SV2B: variants seen among roughly 807,000 people sequenced by gnomAD.
SV2B encodes solute carrier family 22 member B2.
A neutral mutation model predicts 73.9 loss-of-function variants in SV2B; 41 were observed. The observed-to-expected ratio is 0.56, with a 90% CI of 0.43 to 0.72. The LOEUF (loss-of-function observed/expected upper bound fraction) is 0.72, where lower values mean the gene tolerates loss of function less well. SV2B is among the 30% of genes least tolerant of loss of function. The pLI is 0.00. For missense variants in SV2B, 764 were observed against 857.8 expected (o/e 0.89, Z 1.37); for synonymous variants, 314 against 314.2 (o/e 1.00, Z 0.01).
chr15:91,191,138 T>C (rs541415992), intron 1 of SV2B, among the ~76,000 whole-genome samples: 97 of 146,614 alleles, frequency 6.6e-4, no homozygotes, highest in African/African-American at 2.3e-3. Context: ...CAATTTGGGC[T>C]CACTGCAACC....
chr15:91,204,835 T>A (rs2045579712), intron 1 of SV2B, among the ~76,000 whole-genome samples: 1 of 152,128 alleles, frequency 6.6e-6, no homozygotes. Context: ...GGATTACAGG[T>A]GTGAGCCAAT....
chr15:91,131,690 T>C (rs903398122), intron 1 of SV2B, among the ~76,000 whole-genome samples: 2 of 150,826 alleles, frequency 1.3e-5, no homozygotes, highest in Non-Finnish European at 3.0e-5. Flanking sequence ...TGGCTGAGTG[T>C]GGTGGCTCAT....
chr15:91,124,392 C>G lies in SV2B; in HGVS notation c.-392+24029C>G, dbSNP rs913276360. Among the ~76,000 whole-genome samples the G allele has an allele frequency of 7.2e-5, 11 of 152,092 alleles. No individual in the cohort carries two copies. The highest frequency in any genetic ancestry group is 3.3e-4 in the Admixed American group (5 of 15,276). ...CCTCCTTCCTCAGGAAGTGAGACAC[C>G]TGCAACCGAGTGTGAGGTGCAGCAG... On this transcript the variant is annotated intron_variant, in intron 1 of 12. Transcript: ENST00000394232. The surrounding 1 kb of genome is among the most constrained non-coding windows in gnomAD (Gnocchi z 4.6).
In SV2B at chr15:91,231,128, C is replaced by T. The variant is rs1596636382; in HGVS notation, c.451+4414C>T. 6.6e-6 allele frequency among the ~76,000 whole-genome samples: 1 copy of T among 152,096 alleles called. No individual in the cohort carries two copies. The highest frequency in any genetic ancestry group is 1.9e-4 in the East Asian group (1 of 5,178). ...TTTTCTGGGTATGTAAAAAAAAAAT[C>T]ACCCGAAGAAATGATTAAACTTAGG... On this transcript the variant is annotated intron_variant, in intron 2 of 12. Coordinates refer to ENST00000394232, the MANE Select transcript of SV2B (RefSeq NM_001323032.3). This position sits in a 1 kb window ranked among gnomAD's most constrained non-coding sequence, Gnocchi z 4.5.
At position 91,223,640 on chromosome 15, in the gene SV2B, C is replaced by G. The variant is rs958946912; in HGVS notation, c.-391-2233C>G. On this transcript the variant is annotated intron_variant, in intron 1 of 12. Coordinates refer to ENST00000394232, the MANE Select transcript of SV2B (RefSeq NM_001323032.3). This position sits in a 1 kb window ranked among gnomAD's most constrained non-coding sequence, Gnocchi z 4.6. ...CTTTCCATGTTTTTATAGCGCTCTG[C>G]AAACTCTCCTGCTGTTTACATGTGA... Among the ~76,000 whole-genome samples the G allele has an allele frequency of 1.3e-5, 2 of 152,162 alleles. No homozygotes were observed. Among genetic ancestry groups the G allele is most frequent in the Non-Finnish European group, 2.9e-5 (2 of 68,044 alleles).
rs537589269 is a variant in SV2B at position 91,284,432 on chromosome 15, C to T, written c.1708+211C>T. 2.0e-5 allele frequency among the ~76,000 whole-genome samples: 3 copies of T among 152,208 alleles called. No individual in the cohort carries two copies. The highest frequency in any genetic ancestry group is 3.9e-4 in the East Asian group (2 of 5,180). On this transcript the variant is annotated intron_variant, in intron 11 of 12. Coordinates refer to ENST00000394232, the MANE Select transcript of SV2B (RefSeq NM_001323032.3). The surrounding 1 kb of genome is among the most constrained non-coding windows in gnomAD (Gnocchi z 4.5). ...AATAGTCAAGAATCTTTGGTCTAGG[C>T]GAGGGACTTTTGTTCATTTCCTGAC...
chr15:91,282,632 G>A (rs1239251388), intron 10 of SV2B, among the ~76,000 whole-genome samples: 1 of 152,224 alleles, frequency 6.6e-6, no homozygotes, highest in Non-Finnish European at 1.5e-5. Flanking sequence ...TTAGCAAGTG[G>A]AAGGAGTTTG....
At position 91,197,992 on chromosome 15, in the gene SV2B, GC is replaced by G. The variant is rs1245158519; in HGVS notation, c.-391-27879del. ...GGAGGTTACAGTGAACCGAGATCGTGCCATTACACTACAGCCTGGGCAACAG... is the reference window on the plus strand; with the variant it reads ...GGAGGTTACAGTGAACCGAGATCGTGCATTACACTACAGCCTGGGCAACAG... On this transcript the variant is annotated intron_variant, in intron 1 of 12. Coordinates refer to ENST00000394232, the MANE Select transcript of SV2B (RefSeq NM_001323032.3). The surrounding 1 kb of genome is among the most constrained non-coding windows in gnomAD (Gnocchi z 4.9). Among the ~76,000 whole-genome samples the G allele has an allele frequency of 6.6e-6, 1 of 152,184 alleles. No homozygotes were observed. Among genetic ancestry groups the G allele is most frequent in the Non-Finnish European group, 1.5e-5 (1 of 68,036 alleles).
chr15:91,264,494 C>T (rs1438565775), intron 6 of SV2B, among the ~76,000 whole-genome samples: 1 of 152,110 alleles, frequency 6.6e-6, no homozygotes, highest in African/African-American at 2.4e-5. Flanking sequence ...TGGATTATTC[C>T]AGTGGGAAGT....
intron 11 of SV2B, among the ~76,000 whole-genome samples, chr15:91,285,489 C>T (rs1384947005): frequency 1.3e-5 from 2 of 152,166 alleles, no homozygotes; most frequent in Non-Finnish European, 2.9e-5. Context: ...TAGGTTAGCC[C>T]CAAACACCAA....
intron 1 of SV2B, among the ~76,000 whole-genome samples, chr15:91,199,555 C>T (rs1462848518): frequency 6.6e-6 from 1 of 152,220 alleles, no homozygotes; most frequent in Non-Finnish European, 1.5e-5. Flanking sequence ...GGCCCTTGGG[C>T]ATCTTGGGGC....
chr15:91,195,581 T>G (rs2141366667), intron 1 of SV2B, among the ~76,000 whole-genome samples: 1 of 152,224 alleles, frequency 6.6e-6, no homozygotes, highest in East Asian at 1.9e-4. Context: ...GAAATTGCTT[T>G]GAAAATGAAG....
intron 1 of SV2B, among the ~76,000 whole-genome samples, chr15:91,205,605 A>G (rs991967531): frequency 1.3e-5 from 2 of 152,100 alleles, no homozygotes; most frequent in Non-Finnish European, 2.9e-5. Flanking sequence ...ATATCAAGTG[A>G]TCCACCCACC....
chr15:91,132,399 A>AGTTATACTTCTAT lies in SV2B; in HGVS notation c.-392+32038_-392+32050dup. 6.6e-6 allele frequency among the ~76,000 whole-genome samples: 1 copy of AGTTATACTTCTAT among 152,358 alleles called. No homozygotes were observed. Among genetic ancestry groups the AGTTATACTTCTAT allele is most frequent in the African/African-American group, 2.4e-5 (1 of 41,590 alleles). On this transcript the variant is annotated intron_variant, in intron 1 of 12. Transcript: ENST00000394232. The surrounding 1 kb of genome is among the most constrained non-coding windows in gnomAD (Gnocchi z 4.6). ...ACAATCAGGGGTTAGGGTGAAGTAA[A>AGTTATACTTCTAT]GTTATACTTCTATGCAAATGAAGAC...
chr15:91,262,905 C>T (rs1423493829), intron 6 of SV2B, among the ~76,000 whole-genome samples: 7 of 152,208 alleles, frequency 4.6e-5, no homozygotes, highest in Non-Finnish European at 8.8e-5. Flanking sequence ...CCACCCTGCC[C>T]CTGCTGCCTC....
rs1420361798 is a variant in SV2B at position 91,187,653 on chromosome 15, A to AGG, written c.-391-38220_-391-38219insGG. Among the ~76,000 whole-genome samples the AGG allele has an allele frequency of 3.5e-3, 485 of 136,944 alleles. 2 individuals carry two copies. The highest frequency in any genetic ancestry group is 0.013 in the African/African-American group (475 of 36,442). 89.8% of individuals were successfully genotyped at this position (136,944 alleles called of 152,430 possible). A position where few individuals can be genotyped will look rare whatever the true frequency, so the allele number is the denominator to read the frequency against. On this transcript the variant is annotated intron_variant, in intron 1 of 12. Coordinates refer to ENST00000394232, the MANE Select transcript of SV2B (RefSeq NM_001323032.3). ...GACAACCTGCAATTCATTCAATTTTATGTTTTGTTTTTTTTTTTTAAATTG... is the reference window on the plus strand; with the variant it reads ...GACAACCTGCAATTCATTCAATTTTAGGTGTTTTGTTTTTTTTTTTTAAATTG...
intron 1 of SV2B, among the ~76,000 whole-genome samples, chr15:91,215,168 C>A (rs2045982929): frequency 6.6e-6 from 1 of 152,232 alleles, no homozygotes; most frequent in South Asian, 2.1e-4. Context: ...TCATCCCCTT[C>A]CCTACCAGCT....
intron 1 of SV2B, among the ~76,000 whole-genome samples, chr15:91,189,591 T>G (rs1234271515): frequency 1.3e-5 from 2 of 152,224 alleles, no homozygotes; most frequent in African/African-American, 2.4e-5. Flanking sequence ...CATGTTACCA[T>G]CTCACACATA....
chr15:91,127,044 A>G (rs1241250370), intron 1 of SV2B, among the ~76,000 whole-genome samples: 1 of 152,216 alleles, frequency 6.6e-6, no homozygotes, highest in Non-Finnish European at 1.5e-5. Flanking sequence ...TCCATCAATC[A>G]CTAGCTGTGT....
Sources: gnomAD v4.1 joint callset for allele counts (sites outside exome capture counted in the v4.1 genomes callset) on GRCh38, gnomAD v4.1.1 for gene constraint, Gnocchi (gnomAD v3.1) non-coding constraint, MANE v1.5 for transcripts, NCBI Gene and HGNC (gene_info 2026-07-23, HGNC 2026-07-21) for gene names.